The following P2RX6 variants were observed in gnomAD, a reference collection of about 807,000 sequenced individuals.
P2RX6 encodes purinergic receptor P2X 6, also known as P2X purinoceptor 6.
In P2RX6, 62 loss-of-function variants were observed where a neutral mutation model predicts 54.2. The observed-to-expected ratio is 1.14, with a 90% CI of 0.93 to 1.41. The LOEUF (loss-of-function observed/expected upper bound fraction) is 1.41. P2RX6 is among the 40% of genes most tolerant of loss of function. The pLI, the probability that P2RX6 is intolerant of heterozygous loss-of-function variation, is 0.00. For synonymous variants in P2RX6, 211 were observed against 231.9 expected, an observed-to-expected ratio of 0.91 and a Z score of 0.82; for missense variants, 541 against 566.3, an observed-to-expected ratio of 0.96 and a Z score of 0.45.
chr22:21,022,951 C>A lies in P2RX6; in HGVS notation c.473C>A (p.Thr158Lys). 1 of 1,613,528 alleles carries A rather than the reference C, an allele frequency of 6.2e-7. No homozygotes were observed. The highest frequency in any genetic ancestry group is 2.2e-5 in the East Asian group (1 of 44,862). The change falls in exon 5 of 12, where the codon ACA (threonine) becomes AAA (lysine). Residue 158 changes from threonine (T) to lysine (K), a missense_variant. Thr to Lys is a moderately conservative substitution (Grantham distance 78, BLOSUM62 -1). Around this residue, in one of 2 missense-constraint regions of P2RX6, gnomAD observed 526 missense variants for 531.5 expected, o/e 0.99. Coordinates refer to ENST00000413302, the MANE Select transcript of P2RX6 (RefSeq NM_005446.5). ...EGGTHSHGVKTGQCVVFNGTH... is the reference protein window; with the variant it reads ...EGGTHSHGVKKGQCVVFNGTH... ...ATCTTTTGTTTTCTAGGTGTAAAAA[C>A]AGGCCAGTGTGTGGTGTTCAATGGG...
chr22:21,015,899 A>T, intron 1 of P2RX6, 43 bp from the exon 2 acceptor site: 1 of 1,541,950 alleles, frequency 6.5e-7, no homozygotes, highest in East Asian at 2.4e-5. Context: ...CCCTGTCACT[A>T]CACGCTGGGG....
rs747304891 is a variant in P2RX6 at position 21,026,094 on chromosome 22, G to C, written c.1050+18G>C. ...TGGGCGTGGTGAGTGCGAGCACTGT[G>C]GGCACCTGCAGGCTGCAGTGAGTGC... On this transcript the variant is annotated intron_variant, in intron 10 of 11. Transcript: ENST00000413302. This position sits in a 1 kb window ranked among gnomAD's most constrained non-coding sequence, Gnocchi z 4.0. 3.7e-6 allele frequency: 6 copies of C among 1,604,594 alleles called. No individual in the cohort carries two copies. Among genetic ancestry groups the C allele is most frequent in the Non-Finnish European group, 5.1e-6 (6 of 1,176,226 alleles).
rs542262142 is a variant in P2RX6 at position 21,022,684 on chromosome 22, C to G, written c.396C>G (p.Ser132=). 6.4e-7 allele frequency: 1 copy of G among 1,561,664 alleles called. No individual in the cohort carries two copies. The highest frequency in any genetic ancestry group is 1.4e-5 in the African/African-American group (1 of 73,430). The change falls in exon 4 of 12, where the codon TCC becomes TCG. Residue 132 remains serine, a synonymous_variant. Transcript: ENST00000413302. The stretch of plus-strand genomic sequence containing the variant: ...TCTCTCTCCCACCTCAGCACCCGTC[C>G]GTCCCACTGGCTAACTGCTGGGTCG... ...QVQGRCPEHP[S]VPLANCWVDE... is the part of the protein sequence containing the mutation.
chr22:21,012,526 C>T, upstream of P2RX6: 1 of 604,082 alleles, frequency 1.7e-6, no homozygotes, highest in Middle Eastern at 2.6e-4. Context: ...CCAGCACCTA[C>T]CGCAGATGCT....
In P2RX6 at chr22:21,025,933, T is replaced by C. The variant is rs751300824; in HGVS notation, c.984+35T>C. 36 of 1,580,690 alleles carry C rather than the reference T, an allele frequency of 2.3e-5. No homozygotes were observed. The East Asian group carries it at 8.1e-4, about 36-fold the overall frequency. ...GGTAGGGGTCAGGCCGGGGATGGGA[T>C]GGGGCAGGCAGACAGGGCTGGAGGA... On this transcript the variant is annotated intron_variant, in intron 9 of 11. Transcript: ENST00000413302.
chr22:21,011,030 C>T (rs1569164774), upstream of P2RX6, among the ~76,000 whole-genome samples: 1 of 152,130 alleles, frequency 6.6e-6, no homozygotes, highest in African/African-American at 2.4e-5. Flanking sequence ...CAGGGGGTCC[C>T]CATTCTTCTC....
rs756416206 is a variant in P2RX6 at position 21,023,323 on chromosome 22, C to A, written c.687C>A (p.Arg229=). ...ACCCCACCTATTTTAAGCACTGCCG[C>A]TATGAACCACAATTCAGCCCCTACT... ...TWDPTYFKHC[R]YEPQFSPYCP... Residue 229 remains arginine, a synonymous_variant, in exon 7 of 12, where the codon CGC becomes CGA. Transcript: ENST00000413302. The A allele has an allele frequency of 3.7e-5, 60 of 1,613,874 alleles. 1 individual carries two copies. The highest frequency in any genetic ancestry group is 4.9e-5 in the Non-Finnish European group (58 of 1,179,902).
intron 8 of P2RX6, among the ~76,000 whole-genome samples, chr22:21,024,434 C>T (rs1179599909): frequency 3.3e-5 from 5 of 152,094 alleles, no homozygotes; most frequent in South Asian, 2.1e-4. Context: ...CACGCCTCCA[C>T]GCCCGGCTAA....
chr22:21,016,455 G>C (rs1481401069), intron 2 of P2RX6, among the ~76,000 whole-genome samples: 1 of 152,070 alleles, frequency 6.6e-6, no homozygotes, highest in African/African-American at 2.4e-5. Flanking sequence ...CGGGCATGGT[G>C]GTGGGCGCCT....
upstream of P2RX6, among the ~76,000 whole-genome samples, chr22:21,012,284 G>A (rs1925776669): frequency 6.6e-6 from 1 of 152,158 alleles, no homozygotes; most frequent in Admixed American, 6.5e-5. Context: ...ATGGGTGCCA[G>A]CCAACAAGGA....
intron 3 of P2RX6, among the ~76,000 whole-genome samples, chr22:21,021,940 G>C (rs942077756): frequency 6.6e-6 from 1 of 152,138 alleles, no homozygotes; most frequent in Admixed American, 6.5e-5. Context: ...ATCTTTGTCA[G>C]CTATGTCCCC....
At chr22:21,013,874 C>G (rs955928763), upstream of P2RX6, 1 of 152,308 alleles carries the variant, frequency 6.6e-6, no homozygotes, top group Non-Finnish European at 1.5e-5. Context: ...TAACCTCCTT[C>G]TAGAAGCGCC....
chr22:21,015,890 C>T, intron 1 of P2RX6, 52 bp from the exon 2 acceptor site: 2 of 1,533,602 alleles, frequency 1.3e-6, no homozygotes, highest in Non-Finnish European at 1.8e-6. Context: ...CAGCTCCGCC[C>T]CTGTCACTAC....
At chr22:21,024,936 A>G (rs1928161245) in intron 8 of P2RX6, among the ~76,000 whole-genome samples, 1 of 133,576 alleles carries the variant, frequency 7.5e-6, no homozygotes, top group Non-Finnish European at 1.5e-5. Flanking sequence ...ACTGGAGTGC[A>G]GTGGCCCGAT....
At chr22:21,021,796 A>G (rs914358793) in intron 3 of P2RX6, among the ~76,000 whole-genome samples, 2 of 152,056 alleles carry the variant, frequency 1.3e-5, no homozygotes, top group Non-Finnish European at 1.5e-5. Context: ...CCAGAGCCCC[A>G]TAGTCCTATG....
Position 21,026,429 on chromosome 22 carries a change from C to T in P2RX6, c.1138C>T (p.Pro380Ser). The change falls in exon 12 of 12, where the codon CCG becomes TCG. Residue 380 changes from proline to serine, a missense_variant. Pro to Ser is a moderately conservative substitution (Grantham distance 74). Around this residue, in one of 2 missense-constraint regions of P2RX6, gnomAD observed 526 missense variants for 531.5 expected, o/e 0.99. Coordinates refer to ENST00000413302, the MANE Select transcript of P2RX6 (RefSeq NM_005446.5). This position sits in a 1 kb window ranked among gnomAD's most constrained non-coding sequence, Gnocchi z 4.0. ...CTGTCCTCATCTGCAGGCCAAGGCC[C>T]CGAAAGCAACCGCCAACTCTGTGTG... is the stretch of plus-strand genomic sequence containing the variant. ...WRTKYEEAKA[P>S]KATANSVWRE... is the part of the protein sequence containing the mutation. The T allele has an allele frequency of 6.2e-7, 1 of 1,600,246 alleles. No homozygotes were observed. Among genetic ancestry groups the T allele is most frequent in the Non-Finnish European group, 8.5e-7 (1 of 1,173,862 alleles).
chr22:21,022,815 G>T, intron 4 of P2RX6, 64 bp downstream of exon 4: 1 of 1,485,706 alleles, frequency 6.7e-7, no homozygotes, highest in Non-Finnish European at 9.2e-7. Context: ...GATCCTGGGT[G>T]GCTCCTGAGT....
At chr22:21,017,894 G>A (rs761190019) in intron 2 of P2RX6, 95 bp from the exon 3 acceptor site, 1 of 766,266 alleles carries the variant, frequency 1.3e-6, no homozygotes, top group Admixed American at 2.0e-5. Context: ...ACTTGATGGG[G>A]CCAACATCCC....
chr22:21,023,936 T>TTCCCCTTC (rs1401494157), intron 8 of P2RX6, among the ~76,000 whole-genome samples: 2 of 148,012 alleles, frequency 1.4e-5, no homozygotes, highest in African/African-American at 5.0e-5. Context: ...CATTTTTACT[T>TTCCCCTTC]TCCCCTTCTC....
Sources: gnomAD v4.1 joint callset for allele counts (sites outside exome capture counted in the v4.1 genomes callset) on GRCh38, gnomAD v4.1.1 for gene constraint, gnomAD v4.1.1 regional missense constraint, Gnocchi (gnomAD v3.1) non-coding constraint, MANE v1.5 for transcripts, NCBI Gene and HGNC (gene_info 2026-07-23, HGNC 2026-07-21) for gene names.